Variants in CUX1 observed in about 807,000 individuals in gnomAD.
CUX1 encodes cut like homeobox 1.
CUX1 carries 31 observed loss-of-function variants against 158.8 expected under a neutral mutation model. The ratio of observed to expected loss-of-function variants is 0.20; its 90% CI spans 0.15 to 0.26. The LOEUF (loss-of-function observed/expected upper bound fraction) is 0.26. Ranked by LOEUF, CUX1 falls within the 10% of genes least tolerant of loss-of-function variation. CUX1 has a pLI of 1.00. For missense variants in CUX1, 1,589 were observed against 2,014.6 expected (o/e 0.79, Z 4.04); for synonymous variants, 879 against 862.1 (o/e 1.02, Z -0.34).
At chr7:101,966,238 G>A (rs1411621634) in intron 2 of CUX1, among the ~76,000 whole-genome samples, 2 of 150,672 alleles carry the variant, frequency 1.3e-5, no homozygotes, top group South Asian at 2.1e-4. Context: ...GCTAATTTTT[G>A]TATTTTTTGT....
At chr7:101,905,814 C>G (rs1312129796) in intron 1 of CUX1, among the ~76,000 whole-genome samples, 1 of 152,136 alleles carries the variant, frequency 6.6e-6, no homozygotes, top group Non-Finnish European at 1.5e-5. Flanking sequence ...AGTCTTTGGG[C>G]AAGCGCTTGC....
chr7:102,085,447 C>CCCATG (rs1554480104), intron 4 of CUX1, among the ~76,000 whole-genome samples: 5 of 152,112 alleles, frequency 3.3e-5, no homozygotes, highest in African/African-American at 4.8e-5. Flanking sequence ...GGGTGGTTAT[C>CCCATG]CCCATGCTGT....
chr7:102,089,715 T>C (rs1322266810), intron 4 of CUX1, among the ~76,000 whole-genome samples: 1 of 152,258 alleles, frequency 6.6e-6, no homozygotes, highest in African/African-American at 2.4e-5. Flanking sequence ...CTTTAGCTCT[T>C]GGCAAAAGAT....
At position 102,070,002 on chromosome 7, in the gene CUX1, C is replaced by T. The variant is rs564291481; in HGVS notation, c.190-337C>T. 6.5e-4 allele frequency among the ~76,000 whole-genome samples: 99 copies of T among 152,282 alleles called. 1 individual carries two copies. The Middle Eastern group carries it at 0.01, about 16-fold the overall frequency. On this transcript the variant is annotated intron_variant, in intron 3 of 23. Transcript: ENST00000292535. Reference sequence around the variant, plus strand: ...GTCTCTTCCCACCCACCTCTGATCCCCAGCAGTGTCTAGCACATGGCCAGC... The same window carrying T: ...GTCTCTTCCCACCCACCTCTGATCCTCAGCAGTGTCTAGCACATGGCCAGC...
chr7:102,273,510 G>A (rs1276567023), intron 15 of CUX1: 4 of 1,599,092 alleles, frequency 2.5e-6, no homozygotes, highest in Non-Finnish European at 3.4e-6. Context: ...CCACCCCCCT[G>A]CCCCATGCCC....
chr7:102,117,817 C>G (rs1260649678), intron 8 of CUX1, among the ~76,000 whole-genome samples: 3 of 152,196 alleles, frequency 2.0e-5, no homozygotes, highest in Non-Finnish European at 2.9e-5. Flanking sequence ...GGAGGACCTG[C>G]CAGAGGTTCC....
intron 14 of CUX1, among the ~76,000 whole-genome samples, chr7:102,265,890 T>C (rs1386143755): frequency 6.6e-6 from 1 of 152,016 alleles, no homozygotes; most frequent in African/African-American, 2.4e-5. Context: ...ATTCTGGAGA[T>C]ATTTTGAAAG....
intron 2 of CUX1, among the ~76,000 whole-genome samples, chr7:101,942,519 G>A (rs1431394906): frequency 6.6e-6 from 1 of 152,186 alleles, no homozygotes; most frequent in African/African-American, 2.4e-5. Context: ...CTGGAGTGCA[G>A]TGGTGTGGTC....
At chr7:102,023,473 T>C (rs900788158) in intron 2 of CUX1, among the ~76,000 whole-genome samples, 2 of 152,158 alleles carry the variant, frequency 1.3e-5, no homozygotes, top group Admixed American at 6.5e-5. Context: ...TGGGTCAGAA[T>C]TGAGCATCTT....
chr7:102,041,355 A>G (rs578048764), intron 3 of CUX1, among the ~76,000 whole-genome samples: 1 of 139,160 alleles, frequency 7.2e-6, no homozygotes, highest in African/African-American at 2.7e-5. Flanking sequence ...CCTGGGTTCA[A>G]GCGATTCTCC....
intron 3 of CUX1, among the ~76,000 whole-genome samples, chr7:102,069,800 G>A (rs938378989): frequency 6.6e-6 from 1 of 152,188 alleles, no homozygotes. Flanking sequence ...GAATGTGTTC[G>A]TCCGTTTACA....
intron 3 of CUX1, among the ~76,000 whole-genome samples, chr7:102,030,502 A>G (rs898005013): frequency 1.1e-4 from 16 of 152,006 alleles, no homozygotes; most frequent in African/African-American, 3.6e-4. Context: ...ACATTACCAC[A>G]ATAACCACAA....
At position 102,195,522 on chromosome 7, in the gene CUX1, C is replaced by T. The variant is rs782608504; in HGVS notation, c.1141C>T (p.Leu381=). ...GAGTQDAAKP[L]EVLLLEKNRS... ...CCCCTTCTAGGATGCGGCCAAGCCCCTGGAGGTGCTGTTGCTGGAGAAGAA... is the reference window on the plus strand; with the variant it reads ...CCCCTTCTAGGATGCGGCCAAGCCCTTGGAGGTGCTGTTGCTGGAGAAGAA... Residue 381 remains leucine (L), a synonymous_variant, in exon 14 of 24, where the codon CTG becomes TTG. Coordinates refer to ENST00000292535, the MANE Select transcript of CUX1 (RefSeq NM_181552.4). 2 of 1,612,600 alleles carry T rather than the reference C, an allele frequency of 1.2e-6. No homozygotes were observed. The highest frequency in any genetic ancestry group is 1.1e-5 in the South Asian group (1 of 90,940).
At chr7:101,949,154 CAG>C (rs1350424839) in intron 2 of CUX1, among the ~76,000 whole-genome samples, 1 of 152,030 alleles carries the variant, frequency 6.6e-6, no homozygotes, top group Non-Finnish European at 1.5e-5. Flanking sequence ...TATTTTGAGA[CAG>C]AGTCTCACTC....
chr7:102,070,922 T>C (rs1826052961), intron 4 of CUX1, among the ~76,000 whole-genome samples: 1 of 126,668 alleles, frequency 7.9e-6, no homozygotes, highest in African/African-American at 3.2e-5. Context: ...TACAACCAAG[T>C]ATATCAGTTG....
intron 4 of CUX1, among the ~76,000 whole-genome samples, chr7:102,095,596 C>T (rs1554483820): frequency 6.6e-6 from 1 of 152,056 alleles, no homozygotes; most frequent in Non-Finnish European, 1.5e-5. Context: ...ATACGTTAAC[C>T]GAGGCATGGT....
At chr7:101,963,430 C>T (rs1810757893) in intron 2 of CUX1, among the ~76,000 whole-genome samples, 1 of 152,150 alleles carries the variant, frequency 6.6e-6, no homozygotes, top group Admixed American at 6.5e-5. Flanking sequence ...CTGCACCCAG[C>T]AGTTCATCCC....
At chr7:102,039,252 C>T (rs1216490612) in intron 3 of CUX1, among the ~76,000 whole-genome samples, 2 of 152,148 alleles carry the variant, frequency 1.3e-5, no homozygotes, top group African/African-American at 4.8e-5. Flanking sequence ...TTCCAAGTCA[C>T]ACAGGTCATA....
In CUX1 at chr7:102,255,368, T is replaced by C. The variant is rs1554541656; in HGVS notation, c.*6326T>C. Reference sequence around the variant, plus strand: ...AAATGCTAACTTTAAAAGTTGGGCATTGTAGGCGAAAAATCCCAAAAAAAA... The same window carrying C: ...AAATGCTAACTTTAAAAGTTGGGCACTGTAGGCGAAAAATCCCAAAAAAAA... On this transcript the variant is annotated 3_prime_UTR_variant, in exon 24 of 24. Coordinates refer to ENST00000292535, the MANE Select transcript of CUX1 (RefSeq NM_181552.4). The C allele has an allele frequency of 1.0e-6, 1 of 969,440 alleles. No individual in the cohort carries two copies. The highest frequency in any genetic ancestry group is 1.2e-6 in the Non-Finnish European group (1 of 826,740). 60.1% of individuals were successfully genotyped at this position (969,440 alleles called of 1,614,324 possible). A position where few individuals can be genotyped will look rare whatever the true frequency, so the allele number is the denominator to read the frequency against.
Sources: gnomAD v4.1 joint callset for allele counts (sites outside exome capture counted in the v4.1 genomes callset) on GRCh38, gnomAD v4.1.1 for gene constraint, MANE v1.5 for transcripts, NCBI Gene and HGNC (gene_info 2026-07-23, HGNC 2026-07-21) for gene names.